COL7A1: variants seen among roughly 807,000 people sequenced by gnomAD.
COL7A1 encodes the protein collagen alpha-1(VII) chain.
A neutral mutation model predicts 456.2 loss-of-function variants in COL7A1; 296 were observed. The observed-to-expected ratio is 0.65, with a 90% confidence interval of 0.59 to 0.71. COL7A1 has a LOEUF of 0.71. Ranked by LOEUF, COL7A1 falls within the 30% of genes least tolerant of loss-of-function variation. The pLI is 0.00. For missense variants in COL7A1, 3,441 were observed against 4,017.2 expected (o/e 0.86, Z 3.88); for synonymous variants, 1,464 against 1,525.9 (o/e 0.96, Z 0.95).
Position 48,594,606 on chromosome 3 carries a change from G to T in COL7A1, c.86-58C>A, listed in dbSNP as rs2045945543. ...TGGGAGGCCAACCACCCGCCTACCC[G>T]CACGGTGGCCTCACTGGGACTTGGG... On this transcript the variant is annotated intron_variant, in intron 2 of 118. Coordinates refer to ENST00000681320, the MANE Select transcript of COL7A1 (RefSeq NM_000094.4). This position sits in a 1 kb window ranked among gnomAD's most constrained non-coding sequence, Gnocchi z 5.5. 1.3e-6 allele frequency: 2 copies of T among 1,525,006 alleles called. No homozygotes were observed. The highest frequency in any genetic ancestry group is 2.0e-5 in the Admixed American group (1 of 50,988). 94.5% of individuals were successfully genotyped at this position (1,525,006 alleles called of 1,614,324 possible).
rs1417302148 is a variant in COL7A1, at chr3:48,572,611, A to G, written c.6900+60T>C. 1.3e-5 allele frequency: 21 copies of G among 1,603,220 alleles called. No individual in the cohort carries two copies. Among genetic ancestry groups the G allele is most frequent in the Non-Finnish European group, 1.6e-5 (19 of 1,174,930 alleles). On this transcript the variant is annotated intron_variant, in intron 88 of 118. Coordinates refer to ENST00000681320, the MANE Select transcript of COL7A1 (RefSeq NM_000094.4). The surrounding 1 kb of genome is among the most constrained non-coding windows in gnomAD (Gnocchi z 4.6). The stretch of plus-strand genomic sequence containing the variant: ...TGCCACCCCCATGGCATTTGGAAAC[A>G]GGCTTGTGGGTGAGGCAGAGGAGTT...
Position 48,583,977 on chromosome 3 carries a change from GA to G in COL7A1, c.4225-25del, listed in dbSNP as rs752023667. Reference sequence around the variant, plus strand: ...CCCTGGGAGAGAACAGCAGGTCAGGGAATGAACAGGGGAATCAGACTCCAAG... The same window carrying G: ...CCCTGGGAGAGAACAGCAGGTCAGGGATGAACAGGGGAATCAGACTCCAAG... On this transcript the variant is annotated intron_variant, in intron 38 of 118. Transcript: ENST00000681320. The surrounding 1 kb of genome is among the most constrained non-coding windows in gnomAD (Gnocchi z 5.1). 32 of 1,613,892 alleles carry G rather than the reference GA, an allele frequency of 2.0e-5. No homozygotes were observed. Among genetic ancestry groups the G allele is most frequent in the Non-Finnish European group, 2.4e-5 (28 of 1,180,014 alleles).
At position 48,572,657 on chromosome 3, in the gene COL7A1, G is replaced by T; in HGVS notation, c.6900+14C>A. 6.2e-7 allele frequency: 1 copy of T among 1,603,598 alleles called. No individual in the cohort carries two copies. Among genetic ancestry groups the T allele is most frequent in the South Asian group, 1.1e-5 (1 of 89,678 alleles). ...GAGTTGCTGCAGGGGGTGGAAGTCAGGGTCAAAGATCACCTGTCCAGGGGC... is the reference window on the plus strand; with the variant it reads ...GAGTTGCTGCAGGGGGTGGAAGTCATGGTCAAAGATCACCTGTCCAGGGGC... On this transcript the variant is annotated intron_variant, in intron 88 of 118. Coordinates refer to ENST00000681320, the MANE Select transcript of COL7A1 (RefSeq NM_000094.4). The surrounding 1 kb of genome is among the most constrained non-coding windows in gnomAD (Gnocchi z 4.6).
Position 48,580,592 on chromosome 3 carries a change from C to T in COL7A1, c.5041G>A (p.Asp1681Asn). 6.2e-7 allele frequency: 1 copy of T among 1,613,838 alleles called. No individual in the cohort carries two copies. Among genetic ancestry groups the T allele is most frequent in the Non-Finnish European group, 8.5e-7 (1 of 1,179,934 alleles). ...EKGDQGDPGEDGRNGSPGSSG... is the reference protein window; with the variant it reads ...EKGDQGDPGENGRNGSPGSSG... ...AGGCTGGGACTCACATTTCGTCCAT[C>T]CTCTCCAGGATCTCCCTGGTCTCCC... The change falls in exon 55 of 119, where the codon GAT (aspartate) becomes AAT (asparagine). Residue 1681 changes from aspartate (D) to asparagine (N), a missense_variant. Asp to Asn is a conservative substitution (Grantham distance 23, BLOSUM62 1). Transcript: ENST00000681320. This position sits in a 1 kb window ranked among gnomAD's most constrained non-coding sequence, Gnocchi z 4.5.
At position 48,582,353 on chromosome 3, in the gene COL7A1, C is replaced by G. The variant is rs1285793084; in HGVS notation, c.4605G>C (p.Glu1535Asp). Residue 1535 changes from glutamate (E) to aspartate (D), a missense_variant, in exon 47 of 119, where the codon GAG becomes GAC. Glu to Asp is a conservative substitution (Grantham distance 45, BLOSUM62 2). Transcript: ENST00000681320. Reference protein sequence around the residue: ...GPTGRQGEKGEPGRPGDPAVV... With the variant: ...GPTGRQGEKGDPGRPGDPAVV... Reference sequence around the variant, plus strand: ...CTGCAGGGTCCCCAGGGCGACCAGGCTCCCCCTGTGGAGAGAGGATAGGAG... The same window carrying G: ...CTGCAGGGTCCCCAGGGCGACCAGGGTCCCCCTGTGGAGAGAGGATAGGAG... 1.9e-6 allele frequency: 3 copies of G among 1,613,928 alleles called. No homozygotes were observed. The highest frequency in any genetic ancestry group is 2.7e-5 in the African/African-American group (2 of 74,922).
In COL7A1 at chr3:48,571,579, G is replaced by A. The variant is rs766437935; in HGVS notation, c.7069-301C>T. 15 of 671,516 alleles carry A rather than the reference G, an allele frequency of 2.2e-5. No individual in the cohort carries two copies. Among genetic ancestry groups the A allele is most frequent in the Middle Eastern group, 2.4e-4 (1 of 4,174 alleles). The allele number at this position is 671,516 out of a possible 1,614,324, so 41.6% of individuals were successfully genotyped here. On this transcript the variant is annotated intron_variant, in intron 92 of 118. Coordinates refer to ENST00000681320, the MANE Select transcript of COL7A1 (RefSeq NM_000094.4). The surrounding 1 kb of genome is among the most constrained non-coding windows in gnomAD (Gnocchi z 4.6). ...TCCACAGACGTGAGTGCGGACACAC[G>A]GGCGCTCAGAGGGGAACCCCAACAC...
chr3:48,594,998 T>C lies in COL7A1; in HGVS notation c.85+77A>G, dbSNP rs529405729. The C allele has an allele frequency of 5.7e-5, 70 of 1,217,502 alleles. No individual in the cohort carries two copies. The Middle Eastern group carries it at 7.9e-4, about 14-fold the overall frequency. 75.4% of individuals were successfully genotyped at this position (1,217,502 alleles called of 1,614,324 possible). ...TTGGCTGGGTTGTGGGCGGGGGGTG[T>C]TGGGGATGAAGGCCGAGTGGAGCGG... is the stretch of plus-strand genomic sequence containing the variant. On this transcript the variant is annotated intron_variant, in intron 2 of 118. Coordinates refer to ENST00000681320, the MANE Select transcript of COL7A1 (RefSeq NM_000094.4). The surrounding 1 kb of genome is among the most constrained non-coding windows in gnomAD (Gnocchi z 5.5).
Position 48,565,118 on chromosome 3 carries a change from C to T in COL7A1, c.8611G>A (p.Asp2871Asn), listed in dbSNP as rs746146532. 7 of 1,613,904 alleles carry T rather than the reference C, an allele frequency of 4.3e-6. No individual in the cohort carries two copies. The East Asian group carries it at 1.1e-4, about 26-fold the overall frequency. The change falls in exon 117 of 119, where the codon GAT (aspartate) becomes AAT (asparagine). Residue 2871 changes from aspartate (D) to asparagine (N), a missense_variant. Coordinates refer to ENST00000681320, the MANE Select transcript of COL7A1 (RefSeq NM_000094.4). The surrounding 1 kb of genome is among the most constrained non-coding windows in gnomAD (Gnocchi z 4.5). ...AGCCCCCCATTCTCACCATCACTAT[C>T]CCAAGGAGCTTCAGGGTCCTGGTAC... Reference protein sequence around the residue: ...EEYQDPEAPWDSDDPCSLPLD... With the variant: ...EEYQDPEAPWNSDDPCSLPLD...
In COL7A1 at chr3:48,568,257, T is replaced by C. The variant is rs2043698384; in HGVS notation, c.7795-87A>G. On this transcript the variant is annotated intron_variant, in intron 105 of 118. Transcript: ENST00000681320. This position sits in a 1 kb window ranked among gnomAD's most constrained non-coding sequence, Gnocchi z 5.2. ...CCTGGATAGTGGGTAGGGAACACCATGGGGTGGGAGTCACCTCTGGAGGCC... is the reference window on the plus strand; with the variant it reads ...CCTGGATAGTGGGTAGGGAACACCACGGGGTGGGAGTCACCTCTGGAGGCC... 1.4e-6 allele frequency: 2 copies of C among 1,475,658 alleles called. No homozygotes were observed. Among genetic ancestry groups the C allele is most frequent in the Non-Finnish European group, 1.9e-6 (2 of 1,065,968 alleles). 91.4% of individuals were successfully genotyped at this position (1,475,658 alleles called of 1,614,324 possible).
rs757869415 is a variant in COL7A1, at chr3:48,593,274, G to C, written c.521-11C>G. ...CAGCATTCTTGATCCCTGAAGTGAC[G>C]ACCCATCAGGACTCAGTCACCCACA... On this transcript the variant is annotated splice_polypyrimidine_tract_variant and intron_variant, in intron 5 of 118. Coordinates refer to ENST00000681320, the MANE Select transcript of COL7A1 (RefSeq NM_000094.4). The surrounding 1 kb of genome is among the most constrained non-coding windows in gnomAD (Gnocchi z 4.4). 6.2e-7 allele frequency: 1 copy of C among 1,613,918 alleles called. No individual in the cohort carries two copies. Among genetic ancestry groups the C allele is most frequent in the African/African-American group, 1.3e-5 (1 of 74,886 alleles).
chr3:48,587,458 T>G lies in COL7A1; in HGVS notation c.2954A>C (p.Tyr985Ser), dbSNP rs1231643936. The G allele has an allele frequency of 1.9e-6, 3 of 1,613,158 alleles. No homozygotes were observed. The highest frequency in any genetic ancestry group is 2.5e-6 in the Non-Finnish European group (3 of 1,180,018). ...AWTPVSRASSYILSWRPLRGP... is the reference protein window; with the variant it reads ...AWTPVSRASSSILSWRPLRGP... ...TCTGAGTGGCCGCCAGGATAGGATG[T>G]AGCTGGATGCCCTGGACACTGGAGT... The change falls in exon 23 of 119, where the codon TAC becomes TCC. Residue 985 changes from tyrosine to serine, a missense_variant. Physicochemically the swap from Tyr to Ser is moderately radical, Grantham distance 144. Coordinates refer to ENST00000681320, the MANE Select transcript of COL7A1 (RefSeq NM_000094.4). This position sits in a 1 kb window ranked among gnomAD's most constrained non-coding sequence, Gnocchi z 6.1.
chr3:48,586,637 C>T lies in COL7A1; in HGVS notation c.3329G>A (p.Gly1110Asp). 1 of 1,613,410 alleles carries T rather than the reference C, an allele frequency of 6.2e-7. No homozygotes were observed. Among genetic ancestry groups the T allele is most frequent in the Non-Finnish European group, 8.5e-7 (1 of 1,179,928 alleles). ...CAAGATAATGCCAAGGTCATGGGAG[C>T]CATTCAGTGGGAACAGTGGGGAGGG... ...HRPSPLFPLN[G>D]SHDLGIILQR... Residue 1110 changes from glycine (G) to aspartate (D), a missense_variant, in exon 26 of 119, where the codon GGC (glycine) becomes GAC (aspartate). Gly to Asp is a moderately conservative substitution (Grantham distance 94). Around this residue, in one of 3 missense-constraint regions of COL7A1, gnomAD observed 444 missense variants for 427.6 expected, o/e 1.04. Transcript: ENST00000681320. This position sits in a 1 kb window ranked among gnomAD's most constrained non-coding sequence, Gnocchi z 5.1.
chr3:48,592,835 G>C lies in COL7A1; in HGVS notation c.786C>G (p.Tyr262Ter). 1 of 1,613,816 alleles carries C rather than the reference G, an allele frequency of 6.2e-7. No individual in the cohort carries two copies. The highest frequency in any genetic ancestry group is 8.5e-7 in the Non-Finnish European group (1 of 1,180,024). The change falls in exon 7 of 119, where the codon TAC (tyrosine) becomes TAG (stop). Residue 262 changes from tyrosine (Y) to a stop codon, truncating the protein, a stop_gained. Coordinates refer to ENST00000681320, the MANE Select transcript of COL7A1 (RefSeq NM_000094.4). LOFTEE classifies it high-confidence loss of function. The surrounding 1 kb of genome is among the most constrained non-coding windows in gnomAD (Gnocchi z 7.6). The part of the protein sequence containing the change: ...WTAASGPVTG[Y>*]KVQYTPLTGL... ...CCGTCAGAGGAGTGTACTGGACCTT[G>C]TAGCCAGTCACAGGGCCACTGGCCG... is the stretch of plus-strand genomic sequence containing the variant.
intron 44 of COL7A1, 85 bp downstream of exon 44, chr3:48,582,928 G>A: frequency 6.3e-7 from 1 of 1,588,804 alleles, no homozygotes; most frequent in South Asian, 1.1e-5. Context: ...AGGAGCAGGG[G>A]TAGCAGGGGT....
At position 48,593,040 on chromosome 3, in the gene COL7A1, T is replaced by C. The variant is rs2045822968; in HGVS notation, c.682+62A>G. The C allele has an allele frequency of 1.2e-6, 2 of 1,613,286 alleles. No individual in the cohort carries two copies. The highest frequency in any genetic ancestry group is 1.3e-5 in the African/African-American group (1 of 74,878). The stretch of plus-strand genomic sequence containing the variant: ...GGAGCACATAGGATGGAATCAGCAC[T>C]GCCAAGTGGGGATTGGGGTCCGGGG... On this transcript the variant is annotated intron_variant, in intron 6 of 118. Coordinates refer to ENST00000681320, the MANE Select transcript of COL7A1 (RefSeq NM_000094.4). The surrounding 1 kb of genome is among the most constrained non-coding windows in gnomAD (Gnocchi z 4.4).
Position 48,569,875 on chromosome 3 carries a change from C to T in COL7A1, c.7521+5G>A, listed in dbSNP as rs2043801106. The T allele has an allele frequency of 6.2e-7, 1 of 1,614,030 alleles. No individual in the cohort carries two copies. The highest frequency in any genetic ancestry group is 1.3e-5 in the African/African-American group (1 of 74,932). The stretch of plus-strand genomic sequence containing the variant: ...CTCATGCCAGGACCTTCCCCACGTT[C>T]CTACCTTCTCCCCACGCTCTCCCCT... On this transcript the variant is annotated splice_donor_5th_base_variant and intron_variant, in intron 100 of 118. Coordinates refer to ENST00000681320, the MANE Select transcript of COL7A1 (RefSeq NM_000094.4). The surrounding 1 kb of genome is among the most constrained non-coding windows in gnomAD (Gnocchi z 4.9).
chr3:48,584,792 G>C lies in COL7A1; in HGVS notation c.4012-23C>G, dbSNP rs202152758. On this transcript the variant is annotated intron_variant, in intron 34 of 118. Coordinates refer to ENST00000681320, the MANE Select transcript of COL7A1 (RefSeq NM_000094.4). Reference sequence around the variant, plus strand: ...TCCCTGAGGACGAAACAGAGCAGAGGGTGGTGCTTGGGCTCAGGCGAATGT... The same window carrying C: ...TCCCTGAGGACGAAACAGAGCAGAGCGTGGTGCTTGGGCTCAGGCGAATGT... 94 of 1,613,954 alleles carry C rather than the reference G, an allele frequency of 5.8e-5. No homozygotes were observed. The African/African-American group carries it at 1.2e-3, about 20-fold the overall frequency.
intron 2 of COL7A1, 28 bp downstream of exon 2, chr3:48,595,047 G>T: frequency 6.5e-7 from 1 of 1,533,054 alleles, no homozygotes; most frequent in Non-Finnish European, 8.8e-7. Context: ...GCAGTGCCCC[G>T]GGCCGGGTCC....
At position 48,587,285 on chromosome 3, in the gene COL7A1, A is replaced by G. The variant is rs1302462932; in HGVS notation, c.3044T>C (p.Val1015Ala). 1.9e-6 allele frequency: 3 copies of G among 1,607,410 alleles called. No individual in the cohort carries two copies. In the African/African-American group the frequency reaches 4.0e-5, roughly 22 times the overall value. Residue 1015 changes from valine to alanine, a missense_variant, in exon 24 of 119, where the codon GTG becomes GCG. Transcript: ENST00000681320. This position sits in a 1 kb window ranked among gnomAD's most constrained non-coding sequence, Gnocchi z 6.1. ...AGAGACGCCAGGCTCTAGCCCTGTC[A>G]CCCGCTGGGAGCTTGAGATCCCTGG... Reference protein sequence around the residue: ...TLPGISSSQRVTGLEPGVSYI... With the variant: ...TLPGISSSQRATGLEPGVSYI...
Sources: allele counts gnomAD v4.1 joint callset, GRCh38; gene constraint gnomAD v4.1.1; regional missense constraint gnomAD v4.1.1; non-coding constraint Gnocchi (gnomAD v3.1); transcripts MANE v1.5; gene names NCBI Gene and HGNC (gene_info 2026-07-23, HGNC 2026-07-21).